Variants in CORO2B observed in about 807,000 individuals in gnomAD.
CORO2B encodes the protein coronin-2B.
A neutral mutation model predicts 58.8 loss-of-function variants in CORO2B; 26 were observed. The observed-to-expected ratio is 0.44, with a 90% CI of 0.32 to 0.61. The LOEUF (loss-of-function observed/expected upper bound fraction) is 0.61. Ranked by LOEUF, CORO2B falls within the 20% of genes least tolerant of loss-of-function variation. The pLI is 0.04. For synonymous variants in CORO2B, 242 were observed against 253.8 expected, an observed-to-expected ratio of 0.95 and a Z score of 0.44; for missense variants, 460 against 645.1, an observed-to-expected ratio of 0.71 and a Z score of 3.11.
At chr15:68,615,839 A>G (rs1900340653) in intron 1 of CORO2B, among the ~76,000 whole-genome samples, 1 of 152,198 alleles carries the variant, frequency 6.6e-6, no homozygotes, top group African/African-American at 2.4e-5. Flanking sequence ...TTCATAAGCC[A>G]CTCAGTTTAT....
intron 2 of CORO2B, among the ~76,000 whole-genome samples, chr15:68,653,883 C>T (rs1901721258): frequency 6.7e-6 from 1 of 150,154 alleles, no homozygotes; most frequent in African/African-American, 2.5e-5. Flanking sequence ...ATGCCTGAAT[C>T]TTCATCACTG....
intron 2 of CORO2B, among the ~76,000 whole-genome samples, chr15:68,676,334 C>T (rs765166575): frequency 2.2e-4 from 34 of 152,312 alleles, no homozygotes; most frequent in South Asian, 4.1e-4. Flanking sequence ...ACAAACCCTC[C>T]AGAGGATTCT....
intron 1 of CORO2B, among the ~76,000 whole-genome samples, chr15:68,583,047 G>T (rs1212968419): frequency 2.6e-5 from 4 of 152,150 alleles, no homozygotes; most frequent in Non-Finnish European, 2.9e-5. Flanking sequence ...ATAGATTGTA[G>T]GTCCGTGGGC....
In CORO2B at chr15:68,710,606, C is replaced by T; in HGVS notation, c.334-126C>T. 8.4e-7 allele frequency: 1 copy of T among 1,185,362 alleles called. No homozygotes were observed. Among genetic ancestry groups the T allele is most frequent in the Non-Finnish European group, 1.1e-6 (1 of 883,708 alleles). The allele number at this position is 1,185,362 out of a possible 1,614,324, so 73.4% of individuals were successfully genotyped here. On this transcript the variant is annotated intron_variant, in intron 3 of 11. Transcript: ENST00000261861. This position sits in a 1 kb window ranked among gnomAD's most constrained non-coding sequence, Gnocchi z 4.1. ...GGCCTCAGTCGAGCTTTGCCCATCG[C>T]CTCAAGCCAGGAGGTGGCTCATCAG... is the stretch of plus-strand genomic sequence containing the variant.
the CORO2B span, among the ~76,000 whole-genome samples, chr15:68,558,544 CTT>C: frequency 1.3e-5 from 2 of 152,110 alleles, no homozygotes; most frequent in East Asian, 1.9e-4. Context: ...CCCCAGGTAA[CTT>C]ATTATTTTTT....
chr15:68,662,770 T>C (rs1000534602), intron 2 of CORO2B, among the ~76,000 whole-genome samples: 2 of 152,232 alleles, frequency 1.3e-5, no homozygotes, highest in Non-Finnish European at 2.9e-5. Context: ...TTTACATTTT[T>C]CTCAACTGCA....
chr15:68,652,610 C>T lies in CORO2B; in HGVS notation c.216+7250C>T, dbSNP rs114940390. 6.9e-3 allele frequency among the ~76,000 whole-genome samples: 1,044 copies of T among 152,310 alleles called. 14 individuals carry two copies. Among genetic ancestry groups the T allele is most frequent in the African/African-American group, 0.024 (1,002 of 41,558 alleles). Reference sequence around the variant, plus strand: ...GCCATTCTCAGTCCCAGCTGTACACCGGGTCTCTGGGGCTGGGATGGTGCA... The same window carrying T: ...GCCATTCTCAGTCCCAGCTGTACACTGGGTCTCTGGGGCTGGGATGGTGCA... On this transcript the variant is annotated intron_variant, in intron 2 of 11. Transcript: ENST00000261861.
At chr15:68,558,999 T>C in the CORO2B span, among the ~76,000 whole-genome samples, 3 of 152,170 alleles carry the variant, frequency 2.0e-5, no homozygotes, top group East Asian at 5.8e-4. Context: ...TTTCCCTACT[T>C]TACCATCTTC....
chr15:68,614,721 C>T (rs1450210401), intron 1 of CORO2B, among the ~76,000 whole-genome samples: 1 of 152,166 alleles, frequency 6.6e-6, no homozygotes, highest in Non-Finnish European at 1.5e-5. Flanking sequence ...CCTTTCCGTT[C>T]CTGCCTTGTG....
chr15:68,650,376 A>ATGGGG (rs1901602850), intron 2 of CORO2B, among the ~76,000 whole-genome samples: 1 of 19,046 alleles, frequency 5.3e-5, no homozygotes. Flanking sequence ...AAAAAAAAAA[A>ATGGGG]AAAAAAAAAA....
chr15:68,554,538 T>C, the CORO2B span, among the ~76,000 whole-genome samples: 24 of 152,098 alleles, frequency 1.6e-4, no homozygotes, highest in Non-Finnish European at 2.8e-4. Context: ...AACGCACCCA[T>C]GTGAGGTCCT....
intron 2 of CORO2B, among the ~76,000 whole-genome samples, chr15:68,647,849 C>T (rs145347136): frequency 1.9e-5 from 2 of 105,260 alleles, no homozygotes; most frequent in Non-Finnish European, 3.8e-5. Flanking sequence ...GACCCTGTTT[C>T]TACAAATTAA....
the CORO2B span, among the ~76,000 whole-genome samples, chr15:68,531,542 AGGAAGGAAGGAAGGAAAGAAAG>A: frequency 1.1e-4 from 14 of 129,242 alleles, no homozygotes; most frequent in African/African-American, 3.2e-4. Context: ...GAAGGAAGGA[AGGAAGGAAGGAAGGAAAGAAAG>A]AGAAAGAAAG....
At chr15:68,658,654 C>T (rs558132817) in intron 2 of CORO2B, among the ~76,000 whole-genome samples, 1 of 152,228 alleles carries the variant, frequency 6.6e-6, no homozygotes, top group South Asian at 2.1e-4. Flanking sequence ...GTTACTTAAC[C>T]TCCCTGAGCT....
the CORO2B span, among the ~76,000 whole-genome samples, chr15:68,519,965 T>C: frequency 6.6e-6 from 1 of 152,252 alleles, no homozygotes; most frequent in Non-Finnish European, 1.5e-5. Context: ...AGTTTTGATA[T>C]ATAATATTTA....
intron 2 of CORO2B, among the ~76,000 whole-genome samples, chr15:68,663,221 A>G (rs1006747957): frequency 6.6e-6 from 1 of 152,242 alleles, no homozygotes; most frequent in Admixed American, 6.5e-5. Context: ...TCAAATATAG[A>G]AAGAGTTTCC....
In CORO2B at chr15:68,718,810, G is replaced by GGTAA. The variant is rs1893092875; in HGVS notation, c.1080+3_1080+6dup. On this transcript the variant is annotated frameshift_variant and splice_region_variant. Coordinates refer to ENST00000261861, the MANE Select transcript of CORO2B (RefSeq NM_006091.5). LOFTEE classifies it high-confidence loss of function. ...CCATCTCCATGATCGTGCCCCGGAG[G>GGTAA]GTAAGTGGGGCTGGGCTGGGCTCCA... 6.2e-7 allele frequency: 1 copy of GGTAA among 1,612,104 alleles called. No individual in the cohort carries two copies. The highest frequency in any genetic ancestry group is 1.3e-5 in the African/African-American group (1 of 74,890).
the CORO2B span, among the ~76,000 whole-genome samples, chr15:68,566,307 C>T: frequency 1.3e-5 from 2 of 152,076 alleles, no homozygotes; most frequent in African/African-American, 4.8e-5. Flanking sequence ...GGAAACAGGC[C>T]CAGAGAGGCT....
At chr15:68,539,835 G>T in the CORO2B span, among the ~76,000 whole-genome samples, 3 of 152,202 alleles carry the variant, frequency 2.0e-5, no homozygotes, top group Non-Finnish European at 4.4e-5. Flanking sequence ...GAGTGACATT[G>T]TTTGGAAATC....
Sources: gnomAD v4.1 joint callset for allele counts (sites outside exome capture counted in the v4.1 genomes callset) on GRCh38, gnomAD v4.1.1 for gene constraint, Gnocchi (gnomAD v3.1) non-coding constraint, MANE v1.5 for transcripts, NCBI Gene and HGNC (gene_info 2026-07-23, HGNC 2026-07-21) for gene names.